The following GPC3 variants were observed in gnomAD, a reference collection of about 807,000 sequenced individuals.
GPC3 encodes the protein glypican 3, also known as glypican-3.
In GPC3, 3 loss-of-function variants were observed where a neutral mutation model predicts 34.4. That is an observed-to-expected ratio of 0.09 (90% CI 0.04 to 0.23). GPC3 has a LOEUF of 0.23. GPC3 is among the 10% of genes least tolerant of loss of function. GPC3 has a pLI of 1.00. For synonymous variants in GPC3, 177 were observed against 174.0 expected (o/e 1.02, Z -0.13); for missense variants, 351 against 445.6 (o/e 0.79, Z 1.91).
At chrX:133,688,061 A>G (rs1481767654) in intron 5 of GPC3, among the ~76,000 whole-genome samples, 1 of 112,467 alleles carries the variant, frequency 8.9e-6, no homozygotes, top group African/African-American at 3.2e-5. Flanking sequence ...AAAGACATTT[A>G]CTTATTGTGA....
intron 2 of GPC3, among the ~76,000 whole-genome samples, chrX:133,945,764 A>G (rs917874583): frequency 1.3e-4 from 14 of 110,346 alleles, no homozygotes; most frequent in Non-Finnish European, 1.9e-5. Context: ...AAAAAAAAAA[A>G]AAGAAAAGAA....
intron 5 of GPC3, among the ~76,000 whole-genome samples, chrX:133,678,048 A>T (rs1207866779): frequency 9.0e-6 from 1 of 111,265 alleles, no homozygotes. Flanking sequence ...ACTGTGGGTA[A>T]GGGATGGATT....
chrX:133,642,497 C>A (rs1162030215), intron 6 of GPC3, among the ~76,000 whole-genome samples: 2 of 111,147 alleles, frequency 1.8e-5, no homozygotes, highest in Non-Finnish European at 3.8e-5. Flanking sequence ...ACAGGCCAGG[C>A]GCAGTGGCTC....
intron 1 of GPC3, among the ~76,000 whole-genome samples, chrX:133,973,464 T>G (rs1386525850): frequency 3.6e-5 from 4 of 112,672 alleles, no homozygotes. Context: ...TAATCTTCCC[T>G]CGTGGTCCTT....
At chrX:133,936,190 G>C (rs935273677) in intron 2 of GPC3, among the ~76,000 whole-genome samples, 1 of 105,653 alleles carries the variant, frequency 9.5e-6, no homozygotes, top group South Asian at 4.3e-4. Flanking sequence ...CTCAGAAAAT[G>C]CTGGGATTAA....
chrX:133,806,625 A>G (rs915534950), intron 2 of GPC3, among the ~76,000 whole-genome samples: 16 of 109,570 alleles, frequency 1.5e-4, no homozygotes, highest in South Asian at 3.8e-4. Context: ...TTATTTATTT[A>G]TTTGTTTTAT....
At chrX:133,900,356 A>C (rs1350995397) in intron 2 of GPC3, among the ~76,000 whole-genome samples, 3 of 112,393 alleles carry the variant, frequency 2.7e-5, no homozygotes, top group African/African-American at 9.7e-5. Flanking sequence ...GTCCATGAGA[A>C]AACAGATGGG....
chrX:133,702,768 G>A (rs1215819042), intron 3 of GPC3, among the ~76,000 whole-genome samples: 1 of 111,450 alleles, frequency 9.0e-6, no homozygotes, highest in Non-Finnish European at 1.9e-5. Flanking sequence ...CGCAAACAAT[G>A]GTGTCCTGCC....
At chrX:133,850,965 G>A (rs749629288) in intron 2 of GPC3, among the ~76,000 whole-genome samples, 36 of 109,909 alleles carry the variant, frequency 3.3e-4, no homozygotes, top group Non-Finnish European at 5.7e-4. Flanking sequence ...TTAGCTAGGC[G>A]TGGTGGCGGG....
rs996220761 is a variant in GPC3, at chrX:133,887,434, T to C, written c.337+65616A>G. Reference sequence around the variant, plus strand: ...CCCTAATGATTAGTGATGTTGAGCATTTTTTTCATATACCTGTTGGCCATT... The same window carrying C: ...CCCTAATGATTAGTGATGTTGAGCACTTTTTTCATATACCTGTTGGCCATT... On this transcript the variant is annotated intron_variant, in intron 2 of 7. Transcript: ENST00000370818. Among the ~76,000 whole-genome samples the C allele has an allele frequency of 9.8e-5, 11 of 112,420 alleles. No homozygotes were observed. In the East Asian group the frequency reaches 1.7e-3, roughly 17 times the overall value.
chrX:133,695,651 C>T (rs141477333), intron 4 of GPC3, among the ~76,000 whole-genome samples: 134 of 111,760 alleles, frequency 1.2e-3, no homozygotes, highest in African/African-American at 4.2e-3. Flanking sequence ...GCTTCAGTGC[C>T]GCACCAGCTG....
intron 2 of GPC3, among the ~76,000 whole-genome samples, chrX:133,859,283 T>C (rs1368573453): frequency 9.0e-6 from 1 of 110,596 alleles, no homozygotes; most frequent in Non-Finnish European, 1.9e-5. Flanking sequence ...TTCTAGGAAC[T>C]TTCCCAACCA....
rs1237127661 is a variant in GPC3 at position 133,833,994 on chromosome X, A to G, written c.338-79818T>C. Among the ~76,000 whole-genome samples, 7 of 111,881 alleles carry G rather than the reference A, an allele frequency of 6.3e-5. No homozygotes were observed. The East Asian group carries it at 1.4e-3, about 22-fold the overall frequency. ...AATAGATATCAAAAGAAATTCATGT[A>G]TACTCACACACAGTTTTTTCCACTT... On this transcript the variant is annotated intron_variant, in intron 2 of 7. Transcript: ENST00000370818.
intron 7 of GPC3, among the ~76,000 whole-genome samples, chrX:133,551,423 CTG>C (rs1316728353): frequency 9.0e-6 from 1 of 111,704 alleles, no homozygotes; most frequent in African/African-American, 3.3e-5. Flanking sequence ...CCTAAAAGTT[CTG>C]TGTTTTCATT....
chrX:133,629,257 GCT>G (rs922361141), intron 6 of GPC3, among the ~76,000 whole-genome samples: 1 of 111,905 alleles, frequency 8.9e-6, no homozygotes, highest in African/African-American at 3.2e-5. Context: ...GGTTTTCTCA[GCT>G]CTGTCACTCT....
At chrX:133,819,952 C>T (rs184903498) in intron 2 of GPC3, among the ~76,000 whole-genome samples, 9 of 112,063 alleles carry the variant, frequency 8.0e-5, no homozygotes, top group East Asian at 2.8e-4. Context: ...ACCATTACTT[C>T]AATCACACTA....
intron 7 of GPC3, among the ~76,000 whole-genome samples, chrX:133,586,588 T>C (rs2069790621): frequency 9.0e-6 from 1 of 111,693 alleles, no homozygotes; most frequent in Non-Finnish European, 1.9e-5. Flanking sequence ...ACCGCCCCAC[T>C]AGCACCAAAG....
intron 2 of GPC3, among the ~76,000 whole-genome samples, chrX:133,808,747 T>TA (rs200626423): frequency 0.2 from 21,239 of 104,051 alleles, 3,524 homozygotes; most frequent in African/African-American, 0.54. Context: ...CATGAGTATT[T>TA]AAAAAAAAAA....
intron 6 of GPC3, among the ~76,000 whole-genome samples, chrX:133,612,039 C>T (rs997826142): frequency 1.8e-5 from 2 of 112,108 alleles, no homozygotes; most frequent in African/African-American, 6.5e-5. Flanking sequence ...AAGCTGATAC[C>T]TTAATTAATG....
Sources: gnomAD v4.1 joint callset for allele counts (sites outside exome capture counted in the v4.1 genomes callset) on GRCh38, gnomAD v4.1.1 for gene constraint, MANE v1.5 for transcripts, NCBI Gene and HGNC (gene_info 2026-07-23, HGNC 2026-07-21) for gene names.